The following RNF214 variants were observed in gnomAD, a reference collection of about 807,000 sequenced individuals.
RNF214 encodes the protein ring finger protein 214.
Under a neutral mutation model 75.9 loss-of-function variants are expected in RNF214, and 25 were observed. The observed-to-expected ratio is 0.33, with a 90% CI of 0.24 to 0.46. The LOEUF is 0.46. Ranked by LOEUF, RNF214 falls within the 20% of genes least tolerant of loss-of-function variation. RNF214 has a pLI of 1.00. For synonymous variants in RNF214, 314 were observed against 308.8 expected, an observed-to-expected ratio of 1.02 and a Z score of -0.18; for missense variants, 725 against 857.5, an observed-to-expected ratio of 0.85 and a Z score of 1.93.
At chr11:117,266,701 T>TC (rs2033803212) in intron 6 of RNF214, among the ~76,000 whole-genome samples, 1 of 152,066 alleles carries the variant, frequency 6.6e-6, no homozygotes, top group African/African-American at 2.4e-5. Flanking sequence ...AATATTTTTT[T>TC]CTGCCCTATT....
rs1436774139 is a variant in RNF214, at chr11:117,246,886, G to T, written c.897G>T (p.Glu299Asp). The T allele has an allele frequency of 1.9e-6, 3 of 1,613,290 alleles. No homozygotes were observed. The highest frequency in any genetic ancestry group is 2.5e-6 in the Non-Finnish European group (3 of 1,179,636). Residue 299 changes from glutamate (E) to aspartate (D), a missense_variant, in exon 6 of 15, where the codon GAG (glutamate) becomes GAT (aspartate). Glu to Asp is a conservative substitution (Grantham distance 45). This residue lies in a region of RNF214 where 363 missense variants were observed against 513.0 expected (regional missense o/e 0.71). Coordinates refer to ENST00000300650, the MANE Select transcript of RNF214 (RefSeq NM_207343.4). ...TKKKIEKEKK[E>D]FLQKEQDLKA... ...AGAAGATAGAGAAAGAGAAGAAGGA[G>T]TTTTTGCAGAAGGAGCAGGATCTGA... is the stretch of plus-strand genomic sequence containing the variant.
chr11:117,259,633 A>G (rs2033609416), intron 6 of RNF214, among the ~76,000 whole-genome samples: 1 of 152,100 alleles, frequency 6.6e-6, no homozygotes, highest in South Asian at 2.1e-4. Context: ...GAGATTGCAG[A>G]TGGTTTGAAT....
chr11:117,263,450 A>G (rs1222821884), intron 6 of RNF214, among the ~76,000 whole-genome samples: 1 of 151,542 alleles, frequency 6.6e-6, no homozygotes, highest in African/African-American at 2.4e-5. Flanking sequence ...TAATTTTTGT[A>G]TTTTTAGTAG....
intron 1 of RNF214, 91 bp from the exon 2 acceptor site, chr11:117,234,176 G>A: frequency 1.1e-6 from 1 of 913,094 alleles, no homozygotes; most frequent in South Asian, 1.4e-5. Context: ...TACTGCGACA[G>A]CTCTGTTGTG....
intron 5 of RNF214, among the ~76,000 whole-genome samples, 166 bp downstream of exon 5, chr11:117,244,751 T>C (rs1275115302): frequency 2.0e-5 from 3 of 151,970 alleles, no homozygotes; most frequent in Non-Finnish European, 4.4e-5. Flanking sequence ...CTGCAGCCTC[T>C]GTCTCCTGGG....
At chr11:117,248,366 G>T (rs970537053) in intron 6 of RNF214, among the ~76,000 whole-genome samples, 2 of 152,148 alleles carry the variant, frequency 1.3e-5, no homozygotes, top group Non-Finnish European at 2.9e-5. Context: ...ATGAGCCACC[G>T]CGCCCAGCCA....
chr11:117,261,638 T>A (rs1457765670), intron 6 of RNF214, among the ~76,000 whole-genome samples: 1 of 152,164 alleles, frequency 6.6e-6, no homozygotes, highest in African/African-American at 2.4e-5. Flanking sequence ...ATTACTTTAT[T>A]TTATTTAATT....
chr11:117,264,163 A>T (rs2033743588), intron 6 of RNF214, among the ~76,000 whole-genome samples: 1 of 152,126 alleles, frequency 6.6e-6, no homozygotes, highest in African/African-American at 2.4e-5. Context: ...TCTACTAAAA[A>T]TACAAAAAAA....
At chr11:117,235,157 A>T (rs577879049) in intron 2 of RNF214, among the ~76,000 whole-genome samples, 84 of 152,324 alleles carry the variant, frequency 5.5e-4, no homozygotes, top group Non-Finnish European at 1.0e-3. Flanking sequence ...GCAACCATCC[A>T]ATTTTTTTCT....
chr11:117,262,842 C>T (rs2033698588), intron 6 of RNF214, among the ~76,000 whole-genome samples: 1 of 152,062 alleles, frequency 6.6e-6, no homozygotes. Context: ...CAGGGTGTTG[C>T]TCTGCCACCC....
rs1416101735 is a variant in RNF214 at position 117,281,722 on chromosome 11, A to G, written c.1335+24A>G. The G allele has an allele frequency of 2.6e-6, 4 of 1,562,692 alleles. No homozygotes were observed. In the East Asian group the frequency reaches 9.0e-5, roughly 35 times the overall value. ...AGGTAAGAGAGTGGCTTTGGGGGGA[A>G]GTTCACCTTTCTGTGTTGGTAGCAG... On this transcript the variant is annotated intron_variant, in intron 10 of 14. Transcript: ENST00000300650.
intron 6 of RNF214, among the ~76,000 whole-genome samples, chr11:117,259,660 T>A (rs2033609785): frequency 2.6e-5 from 4 of 152,344 alleles, no homozygotes; most frequent in African/African-American, 7.2e-5. Flanking sequence ...GGTTTTAATA[T>A]CCCTAATGAC....
At chr11:117,248,267 G>A (rs577462771) in intron 6 of RNF214, among the ~76,000 whole-genome samples, 11 of 152,012 alleles carry the variant, frequency 7.2e-5, no homozygotes, top group Middle Eastern at 3.4e-3. Context: ...TAGGAGAGAC[G>A]GGGTTTCACC....
intron 6 of RNF214, among the ~76,000 whole-genome samples, chr11:117,256,365 C>A (rs2033522320): frequency 6.6e-6 from 1 of 152,170 alleles, no homozygotes; most frequent in African/African-American, 2.4e-5. Context: ...TTATTTCTCA[C>A]AATTCTTTGG....
chr11:117,251,439 C>A (rs866594312), intron 6 of RNF214, among the ~76,000 whole-genome samples: 7 of 53,768 alleles, frequency 1.3e-4, no homozygotes, highest in African/African-American at 6.1e-4. Flanking sequence ...CTGACCCCCC[C>A]ACCTCCCTCC....
intron 4 of RNF214, 59 bp downstream of exon 4, chr11:117,239,919 C>A: frequency 1.1e-6 from 1 of 898,932 alleles, no homozygotes; most frequent in Non-Finnish European, 1.8e-6. Flanking sequence ...GATCTAGAGG[C>A]ATATCATCTC....
Position 117,285,243 on chromosome 11 carries a change from A to T in RNF214, c.*92A>T. 1 of 825,442 alleles carries T rather than the reference A, an allele frequency of 1.2e-6. No homozygotes were observed. Among genetic ancestry groups the T allele is most frequent in the Non-Finnish European group, 2.1e-6 (1 of 477,054 alleles). 51.1% of individuals were successfully genotyped at this position (825,442 alleles called of 1,614,324 possible). ...TAAAACTCTATATTTATACAGTGAC[A>T]TATACTCATGCCATGTACATTTTTA... On this transcript the variant is annotated 3_prime_UTR_variant, in exon 15 of 15. Transcript: ENST00000300650.
chr11:117,280,428 A>C (rs2034103706), intron 8 of RNF214, among the ~76,000 whole-genome samples, 169 bp downstream of exon 8: 1 of 152,190 alleles, frequency 6.6e-6, no homozygotes, highest in Non-Finnish European at 1.5e-5. Flanking sequence ...TTCCTCTCAC[A>C]TTCTAAAGTT....
intron 6 of RNF214, among the ~76,000 whole-genome samples, chr11:117,254,300 G>A (rs1348823193): frequency 6.6e-6 from 1 of 151,748 alleles, no homozygotes; most frequent in South Asian, 2.1e-4. Context: ...GGCCAGGCAA[G>A]GTAGTTCACA....
Sources: allele counts gnomAD v4.1 joint callset (sites outside exome capture counted in the v4.1 genomes callset), GRCh38; gene constraint gnomAD v4.1.1; regional missense constraint gnomAD v4.1.1; transcripts MANE v1.5; gene names NCBI Gene and HGNC (gene_info 2026-07-23, HGNC 2026-07-21).